The following PPP3CB variants were observed in gnomAD, a reference collection of about 807,000 sequenced individuals.
The protein encoded by PPP3CB is serine/threonine-protein phosphatase 2B catalytic subunit beta isoform.
Under a neutral mutation model 66.4 loss-of-function variants are expected in PPP3CB, and 8 were observed. The ratio of observed to expected loss-of-function variants is 0.12; its 90% CI spans 0.07 to 0.22. PPP3CB has a LOEUF of 0.22. Among genes scored for constraint, PPP3CB ranks in the 10% least tolerant of loss-of-function variants. PPP3CB has a pLI of 1.00. For synonymous variants in PPP3CB, 208 were observed against 221.2 expected, an observed-to-expected ratio of 0.94 and a Z score of 0.53; for missense variants, 319 against 642.5, an observed-to-expected ratio of 0.50 and a Z score of 5.44.
In PPP3CB at chr10:73,470,927, A is replaced by C; in HGVS notation, c.847T>G (p.Leu283Val). The C allele has an allele frequency of 6.2e-7, 1 of 1,613,554 alleles. No individual in the cohort carries two copies. Among genetic ancestry groups the C allele is most frequent in the Non-Finnish European group, 8.5e-7 (1 of 1,179,708 alleles). Residue 283 changes from leucine to valine, a missense_variant, in exon 7 of 14, where the codon TTG (leucine) becomes GTG (valine). Leu to Val is a conservative substitution (Grantham distance 32). Transcript: ENST00000360663. ...TCATGAGCTCTAATAATCGATAACA[A>C]ATTATTGTTTTGCAAAAATTCACAC... ...AVCEFLQNNN[L>V]LSIIRAHEAQ...
chr10:73,445,576 G>T, intron 11 of PPP3CB, among the ~76,000 whole-genome samples: 1 of 151,606 alleles, frequency 6.6e-6, no homozygotes, highest in East Asian at 1.9e-4. Flanking sequence ...CTCCCGAGTA[G>T]CTGGGACCAC....
At chr10:73,468,410 G>GA (rs1374954812) in intron 8 of PPP3CB, among the ~76,000 whole-genome samples, 1 of 152,052 alleles carries the variant, frequency 6.6e-6, no homozygotes, top group Non-Finnish European at 1.5e-5. Flanking sequence ...TTACTGTATA[G>GA]AACACTGGGT....
chr10:73,436,530 AG>A lies in PPP3CB; in HGVS notation c.*1711del, dbSNP rs1431377087. Reference sequence around the variant, plus strand: ...AATAACATATTTTCTTTCAATTAAAAGACAATAAACAGTGATCTTAAATATT... The same window carrying A: ...AATAACATATTTTCTTTCAATTAAAAACAATAAACAGTGATCTTAAATATT... On this transcript the variant is annotated 3_prime_UTR_variant, in exon 14 of 14. Coordinates refer to ENST00000360663, the MANE Select transcript of PPP3CB (RefSeq NM_021132.4). The A allele has an allele frequency of 6.6e-6, 1 of 152,236 alleles. No homozygotes were observed. The highest frequency in any genetic ancestry group is 1.5e-5 in the Non-Finnish European group (1 of 68,040). 9.4% of individuals were successfully genotyped at this position (152,236 alleles called of 1,614,324 possible).
At chr10:73,450,609 T>C (rs1220364555) in intron 10 of PPP3CB, among the ~76,000 whole-genome samples, 1 of 152,240 alleles carries the variant, frequency 6.6e-6, no homozygotes, top group African/African-American at 2.4e-5. Flanking sequence ...AGAGTAATTG[T>C]ACCTGCCCTG....
At chr10:73,468,255 AT>A (rs1483124547) in intron 8 of PPP3CB, among the ~76,000 whole-genome samples, 1 of 152,166 alleles carries the variant, frequency 6.6e-6, no homozygotes, top group Non-Finnish European at 1.5e-5. Flanking sequence ...TAGAAAAAAA[AT>A]CCTACTAAAA....
chr10:73,463,871 G>A (rs912152281), intron 9 of PPP3CB, among the ~76,000 whole-genome samples: 10 of 151,720 alleles, frequency 6.6e-5, no homozygotes, highest in Admixed American at 4.6e-4. Flanking sequence ...TCCTGACCTC[G>A]CGATCTGCCT....
intron 9 of PPP3CB, 118 bp downstream of exon 9, chr10:73,467,435 G>A (rs1194271788): frequency 2.5e-6 from 2 of 785,854 alleles, no homozygotes; most frequent in African/African-American, 1.8e-5. Context: ...CACAAGGAGA[G>A]CTGTAACCAC....
intron 1 of PPP3CB, among the ~76,000 whole-genome samples, chr10:73,495,143 G>A (rs1417581717): frequency 6.6e-6 from 1 of 152,168 alleles, no homozygotes; most frequent in African/African-American, 2.4e-5. Context: ...GTAAATACTT[G>A]CTATCCACAA....
intron 1 of PPP3CB, among the ~76,000 whole-genome samples, chr10:73,492,828 C>T (rs868792075): frequency 2.6e-4 from 39 of 152,262 alleles, no homozygotes; most frequent in Middle Eastern, 3.4e-3. Flanking sequence ...GAATCACCTA[C>T]AGTATTCCAA....
chr10:73,491,022 GTTTTTTTTTTT>G (rs528238766), intron 1 of PPP3CB, among the ~76,000 whole-genome samples: 51 of 40,910 alleles, frequency 1.2e-3, no homozygotes, highest in African/African-American at 3.1e-3. Context: ...TGTTTTTATT[GTTTTTTTTTTT>G]TTTTTTTTTT....
chr10:73,486,295 GTTTTTT>G lies in PPP3CB; in HGVS notation c.86-6784_86-6779del, dbSNP rs1206671127. Among the ~76,000 whole-genome samples the G allele has an allele frequency of 4.4e-4, 52 of 117,792 alleles. No individual in the cohort carries two copies. The Admixed American group carries it at 4.4e-3, about 10-fold the overall frequency. The allele number at this position is 117,792 out of a possible 152,430, so 77.3% of individuals were successfully genotyped here. ...GGGTTTCACTATGTTGGCCAGACTG[GTTTTTT>G]TTTTTTTTTTTTTTTTCTTCTGAGA... On this transcript the variant is annotated intron_variant, in intron 1 of 13. Transcript: ENST00000360663.
At chr10:73,458,778 G>A (rs1296043094) in intron 9 of PPP3CB, among the ~76,000 whole-genome samples, 10 of 151,592 alleles carry the variant, frequency 6.6e-5, no homozygotes, top group African/African-American at 1.5e-4. Context: ...CTGTAAAATG[G>A]TACAGCTAAG....
chr10:73,492,679 AG>A (rs1312016053), intron 1 of PPP3CB, among the ~76,000 whole-genome samples: 1 of 152,170 alleles, frequency 6.6e-6, no homozygotes, highest in Non-Finnish European at 1.5e-5. Flanking sequence ...ACTTTCAAAC[AG>A]GGGAAGAATT....
chr10:73,457,128 C>T (rs967761298), intron 9 of PPP3CB, among the ~76,000 whole-genome samples: 3 of 150,008 alleles, frequency 2.0e-5, no homozygotes, highest in African/African-American at 7.3e-5. Context: ...CTTCAAAGGA[C>T]AAAAAAAATC....
Position 73,470,983 on chromosome 10 carries a change from A to C in PPP3CB, c.810-19T>G. 2 of 1,609,198 alleles carry C rather than the reference A, an allele frequency of 1.2e-6. No homozygotes were observed. Among genetic ancestry groups the C allele is most frequent in the South Asian group, 2.2e-5 (2 of 90,462 alleles). ...TGGATAGCTGTGGGGGAAAAAGAGT[A>C]AATTAAGTAAAATAATGGCTTTTCT... On this transcript the variant is annotated intron_variant, in intron 6 of 13. Coordinates refer to ENST00000360663, the MANE Select transcript of PPP3CB (RefSeq NM_021132.4).
intron 9 of PPP3CB, among the ~76,000 whole-genome samples, chr10:73,456,055 T>C (rs2056423082): frequency 6.6e-6 from 1 of 152,126 alleles, no homozygotes; most frequent in African/African-American, 2.4e-5. Context: ...TAAAAGCAAA[T>C]TTCAATTAAT....
chr10:73,465,339 C>T (rs1278309385), intron 9 of PPP3CB, among the ~76,000 whole-genome samples: 1 of 152,160 alleles, frequency 6.6e-6, no homozygotes, highest in Non-Finnish European at 1.5e-5. Flanking sequence ...AGTGATCCTC[C>T]TGCCTTAGCC....
At chr10:73,452,647 G>T (rs1405500818) in intron 10 of PPP3CB, among the ~76,000 whole-genome samples, 1 of 150,760 alleles carries the variant, frequency 6.6e-6, no homozygotes, top group Non-Finnish European at 1.5e-5. Flanking sequence ...AGTGAGCTGA[G>T]ATCACGCCAC....
chr10:73,444,440 T>C, intron 12 of PPP3CB: 4 of 830,870 alleles, frequency 4.8e-6, no homozygotes, highest in Non-Finnish European at 7.1e-6. Context: ...GATGAATAAA[T>C]AAATATTTCA....
Sources: gnomAD v4.1 joint callset for allele counts (sites outside exome capture counted in the v4.1 genomes callset) on GRCh38, gnomAD v4.1.1 for gene constraint, MANE v1.5 for transcripts, NCBI Gene and HGNC (gene_info 2026-07-23, HGNC 2026-07-21) for gene names.